CLVS1: variants seen among roughly 807,000 people sequenced by gnomAD.
CLVS1 encodes the protein clavesin-1.
In CLVS1, 10 loss-of-function variants were observed where a neutral mutation model predicts 33.1. The observed-to-expected ratio is 0.30, with a 90% CI of 0.19 to 0.51. CLVS1 has a LOEUF of 0.51. Ranked by LOEUF, CLVS1 falls within the 20% of genes least tolerant of loss-of-function variation. CLVS1 has a pLI of 0.97. For missense variants in CLVS1, 343 were observed against 433.4 expected (o/e 0.79, Z 1.85); for synonymous variants, 163 against 166.1 (o/e 0.98, Z 0.14).
At chr8:61,047,394 T>A in the CLVS1 span, among the ~76,000 whole-genome samples, 1 of 152,216 alleles carries the variant, frequency 6.6e-6, no homozygotes, top group Non-Finnish European at 1.5e-5. Context: ...TGGAAGTCAG[T>A]GTGGCGATTC....
At chr8:61,335,534 C>G (rs760626849) in intron 2 of CLVS1, among the ~76,000 whole-genome samples, 1 of 152,186 alleles carries the variant, frequency 6.6e-6, no homozygotes, top group Non-Finnish European at 1.5e-5. Context: ...TGTACCCAAG[C>G]TTATGCACAA....
At chr8:61,385,765 G>T in intron 3 of CLVS1, among the ~76,000 whole-genome samples, 1 of 152,100 alleles carries the variant, frequency 6.6e-6, no homozygotes, top group East Asian at 1.9e-4. Context: ...TCAGGTATAC[G>T]TGACCTCTAG....
At chr8:61,073,483 G>A (rs1197490059) in intron 1 of CLVS1, among the ~76,000 whole-genome samples, 1 of 152,170 alleles carries the variant, frequency 6.6e-6, no homozygotes, top group Non-Finnish European at 1.5e-5. Context: ...CTCTTCGAAA[G>A]TGGGCAGTGA....
intron 3 of CLVS1, among the ~76,000 whole-genome samples, chr8:61,397,997 A>T (rs891826566): frequency 6.6e-6 from 1 of 152,122 alleles, no homozygotes; most frequent in Non-Finnish European, 1.5e-5. Context: ...TTGCATTTTC[A>T]TATGAATTTA....
rs1037179804 is a variant in CLVS1 at position 61,346,258 on chromosome 8, T to A, written c.456-30347T>A. 2.0e-5 allele frequency among the ~76,000 whole-genome samples: 3 copies of A among 152,240 alleles called. No homozygotes were observed. The East Asian group carries it at 5.8e-4, about 29-fold the overall frequency. On this transcript the variant is annotated intron_variant, in intron 2 of 5. Transcript: ENST00000325897. ...AATTTCAGGGGGTAAAGCAAGGGCA[T>A]TAGTGTCTTAGAAAAACTCCCCAGA...
intron 2 of CLVS1, among the ~76,000 whole-genome samples, chr8:61,138,719 G>A (rs181555336): frequency 5.1e-4 from 78 of 152,150 alleles, no homozygotes; most frequent in Admixed American, 2.0e-3. Flanking sequence ...AGCCAGAGAA[G>A]GGGGAGAGCA....
At chr8:61,400,001 T>C (rs759630796) in intron 3 of CLVS1, among the ~76,000 whole-genome samples, 3 of 152,182 alleles carry the variant, frequency 2.0e-5, no homozygotes, top group South Asian at 4.1e-4. Context: ...TTGCTTAGGA[T>C]TGTCTTGGCT....
At chr8:61,183,300 G>A (rs2129301023) in intron 2 of CLVS1, among the ~76,000 whole-genome samples, 1 of 152,282 alleles carries the variant, frequency 6.6e-6, no homozygotes, top group South Asian at 2.1e-4. Context: ...TGCTGCACAT[G>A]TATCCCAGAA....
intron 5 of CLVS1, among the ~76,000 whole-genome samples, chr8:61,480,761 A>G (rs541336433): frequency 2.4e-4 from 36 of 152,200 alleles, no homozygotes; most frequent in African/African-American, 4.1e-4. Context: ...AGATTAGACT[A>G]GGGTACAGAA....
At chr8:61,480,452 A>C (rs541920544) in intron 5 of CLVS1, among the ~76,000 whole-genome samples, 1 of 152,244 alleles carries the variant, frequency 6.6e-6, no homozygotes, top group South Asian at 2.1e-4. Flanking sequence ...TTAGGGTGGG[A>C]GTGACCTGAT....
At chr8:61,066,757 T>A (rs1286267861) in intron 1 of CLVS1, among the ~76,000 whole-genome samples, 1 of 152,202 alleles carries the variant, frequency 6.6e-6, no homozygotes, top group Non-Finnish European at 1.5e-5. Context: ...TTTTTAAAAA[T>A]GAAAAATGTC....
intron 5 of CLVS1, among the ~76,000 whole-genome samples, chr8:61,499,239 CAA>C (rs1804443816): frequency 6.6e-6 from 1 of 152,150 alleles, no homozygotes; most frequent in Non-Finnish European, 1.5e-5. Flanking sequence ...TGCAGTGGCA[CAA>C]TATGGCTCAC....
chr8:61,192,702 G>A (rs1441190860), intron 2 of CLVS1, among the ~76,000 whole-genome samples: 1 of 152,072 alleles, frequency 6.6e-6, no homozygotes, highest in African/African-American at 2.4e-5. Flanking sequence ...ATCAAAAAGT[G>A]GGCAAAGGAT....
chr8:61,145,653 G>T (rs1806401799), intron 2 of CLVS1, among the ~76,000 whole-genome samples: 1 of 152,154 alleles, frequency 6.6e-6, no homozygotes, highest in African/African-American at 2.4e-5. Context: ...TTTGGCTTTT[G>T]TTCTCAAAAG....
intron 3 of CLVS1, among the ~76,000 whole-genome samples, chr8:61,392,081 A>G (rs984047874): frequency 6.6e-6 from 1 of 152,192 alleles, no homozygotes; most frequent in African/African-American, 2.4e-5. Flanking sequence ...TACATAGGGA[A>G]AATAATCAAC....
At chr8:61,200,199 A>G (rs1419914466) in intron 2 of CLVS1, among the ~76,000 whole-genome samples, 4 of 152,156 alleles carry the variant, frequency 2.6e-5, no homozygotes, top group African/African-American at 9.6e-5. Flanking sequence ...GCTCACTGCA[A>G]CCTCCATCTC....
chr8:61,326,746 T>C (rs974876379), intron 2 of CLVS1, among the ~76,000 whole-genome samples: 2 of 152,144 alleles, frequency 1.3e-5, no homozygotes, highest in Non-Finnish European at 2.9e-5. Flanking sequence ...CATAAATAAG[T>C]ACTATAATCG....
chr8:61,121,449 T>TTG (rs1026056962), intron 1 of CLVS1, among the ~76,000 whole-genome samples: 8 of 152,040 alleles, frequency 5.3e-5, no homozygotes, highest in South Asian at 2.1e-4. Flanking sequence ...GTGTGTGTGT[T>TTG]TGTGTGTGTG....
At chr8:61,168,577 A>G (rs1806927940) in intron 2 of CLVS1, among the ~76,000 whole-genome samples, 1 of 152,242 alleles carries the variant, frequency 6.6e-6, no homozygotes, top group South Asian at 2.1e-4. Context: ...TTTATGTACA[A>G]TCTGGACTAA....
Sources: gnomAD v4.1 joint callset for allele counts (sites outside exome capture counted in the v4.1 genomes callset) on GRCh38, gnomAD v4.1.1 for gene constraint, MANE v1.5 for transcripts, NCBI Gene and HGNC (gene_info 2026-07-23, HGNC 2026-07-21) for gene names.